Variants in PTPN14 observed in about 807,000 individuals in gnomAD.
The protein encoded by PTPN14 is tyrosine-protein phosphatase non-receptor type 14.
Under a neutral mutation model 126.8 loss-of-function variants are expected in PTPN14, and 53 were observed. The observed-to-expected ratio is 0.42, with a 90% CI of 0.34 to 0.53. The LOEUF (loss-of-function observed/expected upper bound fraction) is 0.53, where lower values mean the gene tolerates loss of function less well. Ranked by LOEUF, PTPN14 falls within the 20% of genes least tolerant of loss-of-function variation. The pLI, the probability that PTPN14 is intolerant of heterozygous loss-of-function variation, is 0.08. For synonymous variants in PTPN14, 630 were observed against 599.3 expected (o/e 1.05, Z -0.75); for missense variants, 1,257 against 1,552.9 (o/e 0.81, Z 3.20).
At chr1:214,414,750 A>C in intron 3 of PTPN14, 24 bp from the exon 4 acceptor site, 2 of 1,564,122 alleles carry the variant, frequency 1.3e-6, no homozygotes, top group Non-Finnish European at 1.8e-6. Context: ...TAGAGGAACA[A>C]ACAACCTTAA....
At chr1:214,380,936 T>C (rs1258829188) in intron 13 of PTPN14, among the ~76,000 whole-genome samples, 2 of 152,150 alleles carry the variant, frequency 1.3e-5, no homozygotes, top group Non-Finnish European at 2.9e-5. Context: ...GGTCTGCCGG[T>C]GTCCTTGAGC....
chr1:214,405,965 T>C (rs1558088572), intron 5 of PTPN14, among the ~76,000 whole-genome samples: 1 of 152,076 alleles, frequency 6.6e-6, no homozygotes, highest in African/African-American at 2.4e-5. Flanking sequence ...GCCACGAGAT[T>C]GCCAACCACA....
chr1:214,366,916 G>A (rs946818513), intron 17 of PTPN14, among the ~76,000 whole-genome samples: 2 of 151,004 alleles, frequency 1.3e-5, no homozygotes, highest in East Asian at 2.0e-4. Context: ...CTCGGGAGGC[G>A]GAGTTTGCAG....
chr1:214,550,422 A>ATTT (rs1052172496), intron 1 of PTPN14, among the ~76,000 whole-genome samples: 2 of 152,110 alleles, frequency 1.3e-5, no homozygotes, highest in Non-Finnish European at 2.9e-5. Flanking sequence ...GAGAACAAGA[A>ATTT]CCCAAGGAAG....
intron 1 of PTPN14, among the ~76,000 whole-genome samples, chr1:214,477,664 G>A (rs1037086404): frequency 2.0e-5 from 3 of 152,152 alleles, no homozygotes; most frequent in African/African-American, 7.2e-5. Context: ...GGCCTCTAGA[G>A]ATGAGATACT....
At position 214,384,115 on chromosome 1, in the gene PTPN14, T is replaced by C; in HGVS notation, c.1740A>G (p.Pro580=). The stretch of plus-strand genomic sequence containing the variant: ...ACTTGTGGCGGTGGCTGGCCAGGTC[T>C]GGGGTGCTGGTGGCAGGTCGTGGCC... ...YPRPRPATST[P]DLASHRHKYV... Residue 580 remains proline, a synonymous_variant, in exon 13 of 19, where the codon CCA becomes CCG. Coordinates refer to ENST00000366956, the MANE Select transcript of PTPN14 (RefSeq NM_005401.5). This position sits in a 1 kb window ranked among gnomAD's most constrained non-coding sequence, Gnocchi z 5.3. 2 of 1,574,482 alleles carry C rather than the reference T, an allele frequency of 1.3e-6. No homozygotes were observed. Among genetic ancestry groups the C allele is most frequent in the South Asian group, 1.2e-5 (1 of 85,268 alleles).
intron 3 of PTPN14, among the ~76,000 whole-genome samples, chr1:214,429,774 A>G (rs993743278): frequency 2.1e-4 from 32 of 152,238 alleles, no homozygotes; most frequent in African/African-American, 7.2e-4. Context: ...TACTTACTTC[A>G]TGCTAAGGAT....
In PTPN14 at chr1:214,384,224, T is replaced by G; in HGVS notation, c.1631A>C (p.Asn544Thr). The G allele has an allele frequency of 6.2e-7, 1 of 1,613,564 alleles. No homozygotes were observed. Residue 544 changes from asparagine (N) to threonine (T), a missense_variant, in exon 13 of 19, where the codon AAC (asparagine) becomes ACC (threonine). By Grantham distance (65) the Asn-to-Thr change is moderately conservative (BLOSUM62 0). Coordinates refer to ENST00000366956, the MANE Select transcript of PTPN14 (RefSeq NM_005401.5). This position sits in a 1 kb window ranked among gnomAD's most constrained non-coding sequence, Gnocchi z 5.3. ...GTTATGGCTGCCCTGCAGCTGCATG[T>G]TGGCCAGCTCTGGGGTGCTCACCGT... ...SHTVSTPELANMQLQGSHNYS... is the reference protein window; with the variant it reads ...SHTVSTPELATMQLQGSHNYS...
intron 3 of PTPN14, among the ~76,000 whole-genome samples, chr1:214,422,381 C>T (rs1196381896): frequency 1.3e-5 from 2 of 152,194 alleles, no homozygotes; most frequent in Non-Finnish European, 2.9e-5. Flanking sequence ...TCAGGGAACA[C>T]CAATGCTCCA....
intron 1 of PTPN14, among the ~76,000 whole-genome samples, chr1:214,509,603 T>A (rs970614928): frequency 6.6e-6 from 1 of 152,238 alleles, no homozygotes; most frequent in African/African-American, 2.4e-5. Flanking sequence ...TTTTTATTTC[T>A]TTCAAGAACT....
At chr1:214,512,196 C>T (rs1346732631) in intron 1 of PTPN14, among the ~76,000 whole-genome samples, 2 of 152,076 alleles carry the variant, frequency 1.3e-5, no homozygotes, top group Non-Finnish European at 2.9e-5. Flanking sequence ...GGGCCACCCA[C>T]CAGACTGCTG....
chr1:214,416,739 C>A (rs1659434105), intron 3 of PTPN14, among the ~76,000 whole-genome samples: 1 of 152,150 alleles, frequency 6.6e-6, no homozygotes, highest in Non-Finnish European at 1.5e-5. Flanking sequence ...TGTAAGACTG[C>A]AGAAACGAGA....
At chr1:214,521,861 TACCTAAA>T (rs1476934329) in intron 1 of PTPN14, among the ~76,000 whole-genome samples, 1 of 150,992 alleles carries the variant, frequency 6.6e-6, no homozygotes, top group Non-Finnish European at 1.5e-5. Flanking sequence ...TGTCAGAAGG[TACCTAAA>T]ACCATGTTTC....
intron 1 of PTPN14, among the ~76,000 whole-genome samples, chr1:214,484,458 A>G (rs897013783): frequency 6.6e-6 from 1 of 152,176 alleles, no homozygotes; most frequent in African/African-American, 2.4e-5. Context: ...AAGTTAGGAG[A>G]TGGCTGAGTT....
rs368355982 is a variant in PTPN14 at position 214,369,577 on chromosome 1, A to G, written c.3151T>C (p.Tyr1051His). The G allele has an allele frequency of 1.5e-5, 24 of 1,614,088 alleles. No homozygotes were observed. Among genetic ancestry groups the G allele is most frequent in the Non-Finnish European group, 1.9e-5 (22 of 1,180,050 alleles). Residue 1051 changes from tyrosine to histidine, a missense_variant, in exon 17 of 19, where the codon TAT (tyrosine) becomes CAT (histidine). Tyr to His is a moderately conservative substitution (Grantham distance 83, BLOSUM62 2). Around this residue, in one of 3 missense-constraint regions of PTPN14, gnomAD observed 171 missense variants for 229.8 expected, o/e 0.74. Coordinates refer to ENST00000366956, the MANE Select transcript of PTPN14 (RefSeq NM_005401.5). Reference sequence around the variant, plus strand: ...TTGACCTTCAAGCCCGTGGTTGCATAGCAAACAGAATCCGTTCGAAACTTC... The same window carrying G: ...TTGACCTTCAAGCCCGTGGTTGCATGGCAAACAGAATCCGTTCGAAACTTC... Reference protein sequence around the residue: ...TTKFRTDSVCYATTGLKVKHL... With the variant: ...TTKFRTDSVCHATTGLKVKHL...
intron 1 of PTPN14, among the ~76,000 whole-genome samples, chr1:214,487,693 T>A (rs1025016264): frequency 1.3e-5 from 2 of 151,706 alleles, no homozygotes; most frequent in African/African-American, 4.8e-5. Flanking sequence ...AAAAGCTCCA[T>A]CAATATATAC....
intron 5 of PTPN14, among the ~76,000 whole-genome samples, chr1:214,411,349 T>C (rs1386756412): frequency 6.6e-6 from 1 of 152,280 alleles, no homozygotes; most frequent in Non-Finnish European, 1.5e-5. Context: ...CATGATCTTA[T>C]ATGTAGAAAA....
At chr1:214,379,037 C>T (rs1486998819) in intron 13 of PTPN14, among the ~76,000 whole-genome samples, 1 of 152,140 alleles carries the variant, frequency 6.6e-6, no homozygotes, top group East Asian at 1.9e-4. Flanking sequence ...TGAAACTAAC[C>T]GAGTATGAAA....
chr1:214,409,734 CAT>C (rs1215826573), intron 5 of PTPN14, among the ~76,000 whole-genome samples: 2 of 44,250 alleles, frequency 4.5e-5, no homozygotes, highest in African/African-American at 1.5e-4. Context: ...CAATACTCCT[CAT>C]GCTCAGTAAG....
Sources: gnomAD v4.1 joint callset for allele counts (sites outside exome capture counted in the v4.1 genomes callset) on GRCh38, gnomAD v4.1.1 for gene constraint, gnomAD v4.1.1 regional missense constraint, Gnocchi (gnomAD v3.1) non-coding constraint, MANE v1.5 for transcripts, NCBI Gene and HGNC (gene_info 2026-07-23, HGNC 2026-07-21) for gene names.